CD300LG: variants seen among roughly 807,000 people sequenced by gnomAD.
CD300LG encodes the protein CD300 molecule like family member g.
Under a neutral mutation model 31.5 loss-of-function variants are expected in CD300LG, and 29 were observed. The ratio of observed to expected loss-of-function variants is 0.92; its 90% CI spans 0.68 to 1.25. The LOEUF is 1.25. Among genes scored for constraint, CD300LG ranks in the 50% most tolerant of loss-of-function variants. The probability of loss-of-function intolerance (pLI) is 0.00; values close to 1 mark genes in which losing one functional copy is unlikely to be tolerated. For missense variants in CD300LG, 396 were observed against 417.6 expected, an observed-to-expected ratio of 0.95 and a Z score of 0.45; for synonymous variants, 175 against 177.2, an observed-to-expected ratio of 0.99 and a Z score of 0.10.
At chr17:43,849,117 G>C in intron 2 of CD300LG, 2 of 599,606 alleles carry the variant, frequency 3.3e-6, no homozygotes, top group South Asian at 4.1e-5. Flanking sequence ...AGATGTCAGA[G>C]CAGGACCGGA....
intron 6 of CD300LG, chr17:43,858,692 G>T (rs2143405430): frequency 1.1e-5 from 11 of 985,398 alleles, no homozygotes; most frequent in Non-Finnish European, 1.2e-5. Flanking sequence ...TTCCCTTGTG[G>T]CTTCTCCATA....
At chr17:43,848,956 G>A in intron 2 of CD300LG, 63 bp downstream of exon 2, 1 of 1,416,956 alleles carries the variant, frequency 7.1e-7, no homozygotes, top group Non-Finnish European at 9.8e-7. Flanking sequence ...AGGGAGGGGT[G>A]GTGGGGCATA....
rs776644406 is a variant in CD300LG at position 43,853,014 on chromosome 17, G to A, written c.481+1G>A. 6.2e-7 allele frequency: 1 copy of A among 1,608,450 alleles called. No homozygotes were observed. Among genetic ancestry groups the A allele is most frequent in the Non-Finnish European group, 8.5e-7 (1 of 1,177,084 alleles). Reference sequence around the variant, plus strand: ...CAGCAAACCCAGCCCCCAGGATTGAGTGAGTGAATGGCAATTCCGCCCCTT... The same window carrying A: ...CAGCAAACCCAGCCCCCAGGATTGAATGAGTGAATGGCAATTCCGCCCCTT... On this transcript the variant is annotated splice_donor_variant, in intron 3 of 6. Transcript: ENST00000317310. LOFTEE classifies it high-confidence loss of function.
At position 43,855,242 on chromosome 17, in the gene CD300LG, T is replaced by G; in HGVS notation, c.755T>G (p.Val252Gly). The G allele has an allele frequency of 6.2e-7, 1 of 1,610,454 alleles. No homozygotes were observed. ...SIPMVRILAP[V>G]LVLLSLLSAA... ...CCGATGGTCCGCATACTGGCCCCAG[T>G]CCTGGTGCTGCTGAGCCTTCTGTCA... Residue 252 changes from valine to glycine, a missense_variant, in exon 5 of 7, where the codon GTC becomes GGC. Physicochemically the swap from Val to Gly is moderately radical, Grantham distance 109 (BLOSUM62 -3). Coordinates refer to ENST00000317310, the MANE Select transcript of CD300LG (RefSeq NM_145273.4).
intron 2 of CD300LG, 124 bp from the exon 3 acceptor site, chr17:43,852,788 G>T (rs536826415): frequency 1.5e-6 from 1 of 659,426 alleles, no homozygotes; most frequent in East Asian, 3.1e-5. Flanking sequence ...CTGGTTGGCC[G>T]AGGCGAAAGA....
intron 1 of CD300LG, among the ~76,000 whole-genome samples, chr17:43,847,710 A>T (rs1202301140): frequency 6.6e-6 from 1 of 152,184 alleles, no homozygotes; most frequent in Admixed American, 6.5e-5. Context: ...TAACACTTAA[A>T]ATCAGGATAA....
Position 43,850,835 on chromosome 17 carries a change from T to C in CD300LG, c.379+1942T>C, listed in dbSNP as rs1412990013. 2.0e-4 allele frequency among the ~76,000 whole-genome samples: 31 copies of C among 152,192 alleles called. 1 individual carries two copies. Among genetic ancestry groups the C allele is most frequent in the Non-Finnish European group, 1.3e-4 (9 of 67,994 alleles). Reference sequence around the variant, plus strand: ...CCTGAAGGCCCTAGGCAATGAAATATGCAAGATTAAGAAGTATAAGTCCCG... The same window carrying C: ...CCTGAAGGCCCTAGGCAATGAAATACGCAAGATTAAGAAGTATAAGTCCCG... On this transcript the variant is annotated intron_variant, in intron 2 of 6. Transcript: ENST00000317310.
At position 43,855,218 on chromosome 17, in the gene CD300LG, C is replaced by G; in HGVS notation, c.731C>G (p.Pro244Arg). 1 of 1,605,882 alleles carries G rather than the reference C, an allele frequency of 6.2e-7. No individual in the cohort carries two copies. The highest frequency in any genetic ancestry group is 8.5e-7 in the Non-Finnish European group (1 of 1,176,772). ...SGSSKPRVSI[P>R]MVRILAPVLV... ...CGTCTCGTCTCCAGGGTGTCCATCC[C>G]GATGGTCCGCATACTGGCCCCAGTC... Residue 244 changes from proline (P) to arginine (R), a missense_variant, in exon 5 of 7, where the codon CCG (proline) becomes CGG (arginine). Pro to Arg is a moderately radical substitution (Grantham distance 103, BLOSUM62 -2). Coordinates refer to ENST00000317310, the MANE Select transcript of CD300LG (RefSeq NM_145273.4).
intron 4 of CD300LG, among the ~76,000 whole-genome samples, chr17:43,854,945 C>G (rs1417604961): frequency 1.3e-5 from 2 of 152,064 alleles, no homozygotes; most frequent in African/African-American, 2.4e-5. Context: ...GTCACTTATC[C>G]AAGGTATAGA....
In CD300LG at chr17:43,849,493, G is replaced by A. The variant is rs138840822; in HGVS notation, c.379+600G>A. 1,312 of 154,784 alleles carry A rather than the reference G, an allele frequency of 8.5e-3. 16 individuals are homozygous for A. The highest frequency in any genetic ancestry group is 0.029 in the African/African-American group (1,206 of 41,590). The allele number at this position is 154,784 out of a possible 1,614,324, so 9.6% of individuals were successfully genotyped here. A position where few individuals can be genotyped will look rare whatever the true frequency, so the allele number is the denominator to read the frequency against. On this transcript the variant is annotated intron_variant, in intron 2 of 6. Transcript: ENST00000317310. ...AATGCAGGGACACTAGGGGGCCGGGGCTGGAGCTATGGGGCCTGGGTAGGG... is the reference window on the plus strand; with the variant it reads ...AATGCAGGGACACTAGGGGGCCGGGACTGGAGCTATGGGGCCTGGGTAGGG...
chr17:43,857,751 A>G, intron 6 of CD300LG: 1 of 1,534,300 alleles, frequency 6.5e-7, no homozygotes, highest in Non-Finnish European at 8.7e-7. Context: ...AACAGAGAAC[A>G]GGACCCAGAT....
In CD300LG at chr17:43,854,092, T is replaced by C. The variant is rs756437364; in HGVS notation, c.719+48T>C. On this transcript the variant is annotated intron_variant, in intron 4 of 6. Transcript: ENST00000317310. ...CCCCTTTCAAGCCATCACTAAACCA[T>C]AAGGTGCCTTTGAGAAAATAGGAAC... The C allele has an allele frequency of 2.5e-5, 36 of 1,429,180 alleles. No homozygotes were observed. The South Asian group carries it at 3.8e-4, about 15-fold the overall frequency. The allele number at this position is 1,429,180 out of a possible 1,614,324, so 88.5% of individuals were successfully genotyped here.
At chr17:43,858,307 G>T (rs1416754794) in intron 6 of CD300LG, 3 of 1,004,196 alleles carry the variant, frequency 3.0e-6, no homozygotes, top group Non-Finnish European at 2.4e-6. Flanking sequence ...ATGGATGGAC[G>T]GTGGGTGCCA....
At chr17:43,849,093 G>T in intron 2 of CD300LG, 200 bp downstream of exon 2, 1 of 606,718 alleles carries the variant, frequency 1.6e-6, no homozygotes, top group Non-Finnish European at 2.9e-6. Context: ...GCTGCCCGAG[G>T]TCACACCAGT....
At chr17:43,859,805 C>G (rs558877295) in intron 6 of CD300LG, among the ~76,000 whole-genome samples, 2 of 152,360 alleles carry the variant, frequency 1.3e-5, no homozygotes, top group East Asian at 3.9e-4. Context: ...ACCACCCACA[C>G]TTCCCCCAAG....
chr17:43,855,387 C>A, intron 5 of CD300LG, 68 bp downstream of exon 5: 2 of 903,108 alleles, frequency 2.2e-6, no homozygotes, highest in Non-Finnish European at 3.2e-6. Flanking sequence ...AGACCTGCAG[C>A]TCCCCATCCA....
chr17:43,851,717 C>A (rs947597782), intron 2 of CD300LG, among the ~76,000 whole-genome samples: 1 of 145,640 alleles, frequency 6.9e-6, no homozygotes, highest in African/African-American at 2.6e-5. Context: ...GGCGCGATCT[C>A]GGCTAATTTT....
chr17:43,851,768 G>A (rs1407347860), intron 2 of CD300LG, among the ~76,000 whole-genome samples: 4 of 151,592 alleles, frequency 2.6e-5, no homozygotes, highest in Admixed American at 2.6e-4. Context: ...TGTTAGCCAG[G>A]ATGGTCTCGA....
chr17:43,853,663 G>T, intron 3 of CD300LG, 144 bp from the exon 4 acceptor site: 1 of 652,422 alleles, frequency 1.5e-6, no homozygotes, highest in Non-Finnish European at 2.7e-6. Flanking sequence ...AGATCTGTTT[G>T]CTTACTGGGG....
Sources: allele counts gnomAD v4.1 joint callset (sites outside exome capture counted in the v4.1 genomes callset), GRCh38; gene constraint gnomAD v4.1.1; transcripts MANE v1.5; gene names NCBI Gene and HGNC (gene_info 2026-07-23, HGNC 2026-07-21).